VAC14: variants seen among roughly 807,000 people sequenced by gnomAD.
VAC14 encodes the protein VAC14 component of PIKFYVE complex.
A neutral mutation model predicts 85.3 loss-of-function variants in VAC14; 47 were observed. The ratio of observed to expected loss-of-function variants is 0.55; its 90% CI spans 0.44 to 0.70. The LOEUF is 0.70. Ranked by LOEUF, VAC14 falls within the 30% of genes least tolerant of loss-of-function variation. The probability of loss-of-function intolerance (pLI) is 0.00; values close to 1 mark genes in which losing one functional copy is unlikely to be tolerated. For synonymous variants in VAC14, 447 were observed against 430.5 expected (o/e 1.04, Z -0.47); for missense variants, 861 against 1,004.3 (o/e 0.86, Z 1.93).
intron 10 of VAC14, chr16:70,768,886 C>T (rs370743974): frequency 7.6e-5 from 34 of 448,118 alleles, no homozygotes; most frequent in Admixed American, 4.3e-4. Flanking sequence ...CTGAAACCTC[C>T]GCCTCCCAGG....
intron 13 of VAC14, among the ~76,000 whole-genome samples, chr16:70,732,788 T>A (rs1341535401): frequency 6.6e-6 from 1 of 152,038 alleles, no homozygotes; most frequent in Non-Finnish European, 1.5e-5. Context: ...ATTACAGGCA[T>A]GCGCCACCAC....
intron 18 of VAC14, chr16:70,690,791 T>C (rs2053582083): frequency 1.0e-6 from 1 of 985,568 alleles, no homozygotes; most frequent in Non-Finnish European, 1.2e-6. Flanking sequence ...CCCCCAGCTG[T>C]TCTGAAGTCC....
chr16:70,703,469 G>A (rs945600614), intron 14 of VAC14, among the ~76,000 whole-genome samples: 6 of 152,122 alleles, frequency 3.9e-5, no homozygotes, highest in African/African-American at 9.7e-5. Flanking sequence ...GGTATATCCC[G>A]ATGACTCAGG....
At chr16:70,789,540 C>G (rs747504704) in intron 1 of VAC14, among the ~76,000 whole-genome samples, 2 of 152,200 alleles carry the variant, frequency 1.3e-5, no homozygotes, top group South Asian at 4.1e-4. Flanking sequence ...TTCTCGCCTG[C>G]CACGCGGGAG....
At chr16:70,752,959 G>T (rs2031508270) in intron 12 of VAC14, among the ~76,000 whole-genome samples, 1 of 152,076 alleles carries the variant, frequency 6.6e-6, no homozygotes. Flanking sequence ...TGGACGGGGG[G>T]ACATAAAGAC....
chr16:70,701,411 T>C (rs2142992711), intron 14 of VAC14, among the ~76,000 whole-genome samples: 1 of 152,230 alleles, frequency 6.6e-6, no homozygotes, highest in South Asian at 2.1e-4. Context: ...GGTGGCACTG[T>C]CCACCCAGCT....
intron 14 of VAC14, among the ~76,000 whole-genome samples, chr16:70,727,851 C>T (rs1159145191): frequency 6.6e-6 from 1 of 152,236 alleles, no homozygotes; most frequent in Non-Finnish European, 1.5e-5. Context: ...GCTGGGCCTG[C>T]AACCCTGGAG....
chr16:70,746,572 C>T (rs2143014133), intron 12 of VAC14, among the ~76,000 whole-genome samples: 1 of 152,326 alleles, frequency 6.6e-6, no homozygotes, highest in African/African-American at 2.4e-5. Flanking sequence ...TGCCCCTCCA[C>T]CCAGGCCAGG....
In VAC14 at chr16:70,786,566, C is replaced by T. The variant is rs1033106858; in HGVS notation, c.105-201G>A. On this transcript the variant is annotated intron_variant, in intron 1 of 18. Coordinates refer to ENST00000261776, the MANE Select transcript of VAC14 (RefSeq NM_018052.5). ...CTGGGTCTCAGTTTCCCTTTGTGTA[C>T]AATGGAATAAGGAACAGTGGTGCTA... 7 of 627,002 alleles carry T rather than the reference C, an allele frequency of 1.1e-5. No individual in the cohort carries two copies. In the Admixed American group the frequency reaches 2.1e-4, roughly 19 times the overall value. The allele number at this position is 627,002 out of a possible 1,614,324, so 38.8% of individuals were successfully genotyped here.
At chr16:70,715,393 C>G (rs2054143221) in intron 14 of VAC14, 1 of 152,344 alleles carries the variant, frequency 6.6e-6, no homozygotes, top group Non-Finnish European at 1.5e-5. Flanking sequence ...CGGGCAGGGA[C>G]TAGCTCTGCC....
chr16:70,695,062 G>A lies in VAC14; in HGVS notation c.2035+482C>T, dbSNP rs1008240950. Among the ~76,000 whole-genome samples the A allele has an allele frequency of 5.9e-5, 9 of 151,854 alleles. No individual in the cohort carries two copies. The South Asian group carries it at 1.2e-3, about 21-fold the overall frequency. On this transcript the variant is annotated intron_variant, in intron 17 of 18. Transcript: ENST00000261776. ...GGCAGGATCCAGGTTCTGATGCCAC[G>A]TGCCCCAGCCCTGCTCTGGCTGGCC... is the stretch of plus-strand genomic sequence containing the variant.
chr16:70,743,911 C>G (rs757440617), intron 13 of VAC14, among the ~76,000 whole-genome samples: 19 of 152,128 alleles, frequency 1.2e-4, no homozygotes, highest in Non-Finnish European at 2.4e-4. Flanking sequence ...GACCGAGGGG[C>G]GAGTGCTGGG....
intron 12 of VAC14, chr16:70,755,222 G>A: frequency 2.9e-6 from 1 of 347,582 alleles, no homozygotes; most frequent in Non-Finnish European, 5.8e-6. Context: ...TCTGGACTGA[G>A]CCCTGGAGGG....
intron 14 of VAC14, 146 bp downstream of exon 14, chr16:70,731,349 C>T: frequency 6.7e-7 from 1 of 1,490,226 alleles, no homozygotes; most frequent in Non-Finnish European, 8.9e-7. Flanking sequence ...AAGGGGCAAC[C>T]TTCTTCATTT....
At chr16:70,696,922 C>A in intron 16 of VAC14, 1 of 496,860 alleles carries the variant, frequency 2.0e-6, no homozygotes, top group South Asian at 2.0e-5. Flanking sequence ...GCCAGCTCCC[C>A]CTCCAAGAGC....
At chr16:70,797,913 C>G (rs1001038918) in intron 1 of VAC14, among the ~76,000 whole-genome samples, 2 of 152,188 alleles carry the variant, frequency 1.3e-5, no homozygotes, top group African/African-American at 4.8e-5. Flanking sequence ...GAGGCCCCGC[C>G]AGAAGCAGAA....
chr16:70,698,753 G>A lies in VAC14; in HGVS notation c.1720C>T (p.Leu574=). The change falls in exon 15 of 19, where the codon CTG becomes TTG. Residue 574 remains leucine (L), a synonymous_variant. Coordinates refer to ENST00000261776, the MANE Select transcript of VAC14 (RefSeq NM_018052.5). ...GCGAACTTGAGGTCCTCCTCCCGCA[G>A]CAGGATGTCTGCCATTGAGTGGAAG... ...NIFHSMADIL[L]REEDLKFAST... The A allele has an allele frequency of 6.2e-7, 1 of 1,614,212 alleles. No individual in the cohort carries two copies. The highest frequency in any genetic ancestry group is 8.5e-7 in the Non-Finnish European group (1 of 1,180,038).
At chr16:70,723,783 G>A (rs1031449731) in intron 14 of VAC14, among the ~76,000 whole-genome samples, 1 of 152,200 alleles carries the variant, frequency 6.6e-6, no homozygotes. Context: ...CGTGCTTTTA[G>A]TGAAAGACTG....
rs145938865 is a variant in VAC14 at position 70,698,750 on chromosome 16, G to A, written c.1723C>T (p.Arg575Trp). 1.1e-3 allele frequency: 1,759 copies of A among 1,614,068 alleles called. 2 individuals carry two copies. The highest frequency in any genetic ancestry group is 1.4e-3 in the Non-Finnish European group (1,654 of 1,180,034). The change falls in exon 15 of 19, where the codon CGG (arginine) becomes TGG (tryptophan). Residue 575 changes from arginine to tryptophan, a missense_variant. Around this residue, in one of 3 missense-constraint regions of VAC14, gnomAD observed 69 missense variants for 139.0 expected, o/e 0.50. Coordinates refer to ENST00000261776, the MANE Select transcript of VAC14 (RefSeq NM_018052.5). Reference protein sequence around the residue: ...IFHSMADILLREEDLKFASTM... With the variant: ...IFHSMADILLWEEDLKFASTM... Reference sequence around the variant, plus strand: ...GAGGCGAACTTGAGGTCCTCCTCCCGCAGCAGGATGTCTGCCATTGAGTGG... The same window carrying A: ...GAGGCGAACTTGAGGTCCTCCTCCCACAGCAGGATGTCTGCCATTGAGTGG...
Sources: allele counts gnomAD v4.1 joint callset (sites outside exome capture counted in the v4.1 genomes callset), GRCh38; gene constraint gnomAD v4.1.1; regional missense constraint gnomAD v4.1.1; transcripts MANE v1.5; gene names NCBI Gene and HGNC (gene_info 2026-07-23, HGNC 2026-07-21).